Variants in PRDM16 observed in about 807,000 individuals in gnomAD.
The protein encoded by PRDM16 is histone-lysine N-methyltransferase PRDM16.
PRDM16 carries 23 observed loss-of-function variants against 110.6 expected under a neutral mutation model. The observed-to-expected ratio is 0.21, with a 90% CI of 0.15 to 0.29. PRDM16 has a LOEUF of 0.29. PRDM16 is among the 10% of genes least tolerant of loss of function. PRDM16 has a pLI of 1.00. For missense variants in PRDM16, 1,615 were observed against 1,794.3 expected, an observed-to-expected ratio of 0.90 and a Z score of 1.81; for synonymous variants, 799 against 781.8, an observed-to-expected ratio of 1.02 and a Z score of -0.37.
chr1:3,204,277 G>A (rs1034907858), intron 2 of PRDM16, among the ~76,000 whole-genome samples: 1 of 152,114 alleles, frequency 6.6e-6, no homozygotes, highest in Non-Finnish European at 1.5e-5. Flanking sequence ...ACGTCTGTGT[G>A]GGGGGAGGGC....
Position 3,397,452 on chromosome 1 carries a change from G to A in PRDM16, c.676+859G>A, listed in dbSNP as rs536596692. On this transcript the variant is annotated intron_variant, in intron 5 of 16. Coordinates refer to ENST00000270722, the MANE Select transcript of PRDM16 (RefSeq NM_022114.4). ...GATACAGGCTCATTCCTGCCTTCAC[G>A]TCATGAAGCCATGTGTCCGTTCCCC... Among the ~76,000 whole-genome samples, 6 of 152,348 alleles carry A rather than the reference G, an allele frequency of 3.9e-5. No homozygotes were observed. In the East Asian group the frequency reaches 5.8e-4, roughly 15 times the overall value.
chr1:3,114,444 C>G (rs565508944), intron 1 of PRDM16, among the ~76,000 whole-genome samples: 5 of 139,080 alleles, frequency 3.6e-5, no homozygotes, highest in African/African-American at 1.6e-4. Context: ...TAAACAGACG[C>G]ACACGCACAC....
intron 2 of PRDM16, among the ~76,000 whole-genome samples, chr1:3,234,629 C>T (rs1361169671): frequency 6.6e-6 from 1 of 152,228 alleles, no homozygotes; most frequent in East Asian, 1.9e-4. Flanking sequence ...TGGCCGGGCC[C>T]CACCGTGACT....
At chr1:3,251,308 G>GGTGAGGTGGA (rs1639925863) in intron 3 of PRDM16, among the ~76,000 whole-genome samples, 1 of 152,090 alleles carries the variant, frequency 6.6e-6, no homozygotes, top group Non-Finnish European at 1.5e-5. Flanking sequence ...GTGGTTCAGG[G>GGTGAGGTGGA]GTGAGGTGGG....
At chr1:3,289,902 C>G (rs1296048647) in intron 3 of PRDM16, among the ~76,000 whole-genome samples, 1 of 151,172 alleles carries the variant, frequency 6.6e-6, no homozygotes, top group African/African-American at 2.4e-5. Flanking sequence ...CCAGACCCCA[C>G]TCCCTCCAGG....
chr1:3,118,735 G>A (rs555171329), intron 1 of PRDM16, among the ~76,000 whole-genome samples: 16 of 147,786 alleles, frequency 1.1e-4, no homozygotes, highest in African/African-American at 3.4e-4. Flanking sequence ...TGGGGGCCAC[G>A]TGGATGGAGT....
rs554430996 is a variant in PRDM16 at position 3,213,853 on chromosome 1, C to A, written c.387+27379C>A. ...GTGCCTTCCCAGGAGGCCTTGCCAC[C>A]CCCCATTAATCCTGCAATTCCAGAT... On this transcript the variant is annotated intron_variant, in intron 2 of 16. Coordinates refer to ENST00000270722, the MANE Select transcript of PRDM16 (RefSeq NM_022114.4). The surrounding 1 kb of genome is among the most constrained non-coding windows in gnomAD (Gnocchi z 5.3). Among the ~76,000 whole-genome samples, 1 of 152,100 alleles carries A rather than the reference C, an allele frequency of 6.6e-6. No individual in the cohort carries two copies. The highest frequency in any genetic ancestry group is 1.5e-5 in the Non-Finnish European group (1 of 68,010).
intron 1 of PRDM16, among the ~76,000 whole-genome samples, chr1:3,140,897 T>C (rs747652942): frequency 5.3e-5 from 8 of 152,188 alleles, no homozygotes; most frequent in Non-Finnish European, 1.2e-4. Flanking sequence ...CTGGCGTGGG[T>C]GCCCCTGGAG....
chr1:3,286,121 TCTC>T (rs762404870), intron 3 of PRDM16, among the ~76,000 whole-genome samples: 3 of 152,040 alleles, frequency 2.0e-5, no homozygotes, highest in African/African-American at 7.3e-5. Flanking sequence ...CACGACAGCC[TCTC>T]CTCCTCCAGC....
Position 3,081,254 on chromosome 1 carries a change from G to T in PRDM16, c.37+11958G>T, listed in dbSNP as rs1029780708. 1.1e-4 allele frequency among the ~76,000 whole-genome samples: 16 copies of T among 152,352 alleles called. No individual in the cohort carries two copies. The highest frequency in any genetic ancestry group is 3.6e-4 in the African/African-American group (15 of 41,590). ...GGACTTGGGTTCGAGGCCCCTCGCGGCTGTACCCCGAGTCCCCCGTGCTGG... is the reference window on the plus strand; with the variant it reads ...GGACTTGGGTTCGAGGCCCCTCGCGTCTGTACCCCGAGTCCCCCGTGCTGG... On this transcript the variant is annotated intron_variant, in intron 1 of 16. Transcript: ENST00000270722. This position sits in a 1 kb window ranked among gnomAD's most constrained non-coding sequence, Gnocchi z 4.6.
intron 1 of PRDM16, among the ~76,000 whole-genome samples, chr1:3,077,978 A>C (rs933539840): frequency 2.6e-5 from 4 of 152,216 alleles, no homozygotes; most frequent in Non-Finnish European, 2.9e-5. Flanking sequence ...GGCCCCTGCC[A>C]CATGCAGTGG....
intron 1 of PRDM16, among the ~76,000 whole-genome samples, chr1:3,171,461 C>G (rs1644024869): frequency 6.6e-6 from 1 of 152,212 alleles, no homozygotes. Context: ...GATTGCAACC[C>G]CCTCCAAACC....
chr1:3,198,567 G>A (rs1569827849), intron 2 of PRDM16, among the ~76,000 whole-genome samples: 5 of 152,298 alleles, frequency 3.3e-5, no homozygotes, highest in Admixed American at 1.3e-4. Flanking sequence ...CAGCACCACC[G>A]TGCTTTCCAG....
chr1:3,349,245 TC>T lies in PRDM16; in HGVS notation c.439-35903del, dbSNP rs151248503. 2.9e-3 allele frequency among the ~76,000 whole-genome samples: 448 copies of T among 151,924 alleles called. 1 individual carries two copies. The highest frequency in any genetic ancestry group is 1.0e-2 in the African/African-American group (414 of 41,412). ...CCTGCTCTCTGGCTCCCAGTGAGGG[TC>T]CCCGCCCCACGGGAGATAAGATAGA... On this transcript the variant is annotated intron_variant, in intron 3 of 16. Coordinates refer to ENST00000270722, the MANE Select transcript of PRDM16 (RefSeq NM_022114.4).
In PRDM16 at chr1:3,161,851, C is replaced by T. The variant is rs140898052; in HGVS notation, c.38-24274C>T. ...CCTGTCTCCATGAGGATTTGGACCA[C>T]GTTCGGCAGAGCAGGTCTCCCAGGC... On this transcript the variant is annotated intron_variant, in intron 1 of 16. Coordinates refer to ENST00000270722, the MANE Select transcript of PRDM16 (RefSeq NM_022114.4). Among the ~76,000 whole-genome samples the T allele has an allele frequency of 4.5e-4, 68 of 152,350 alleles. 1 individual carries two copies. Among genetic ancestry groups the T allele is most frequent in the African/African-American group, 1.6e-3 (67 of 41,578 alleles).
chr1:3,272,920 G>A (rs559283954), intron 3 of PRDM16, among the ~76,000 whole-genome samples: 26 of 152,218 alleles, frequency 1.7e-4, no homozygotes, highest in African/African-American at 3.9e-4. Context: ...TCTGAGGGCC[G>A]GACCACTCTG....
In PRDM16 at chr1:3,355,514, C is replaced by A. The variant is rs577370721; in HGVS notation, c.439-29638C>A. On this transcript the variant is annotated intron_variant, in intron 3 of 16. Coordinates refer to ENST00000270722, the MANE Select transcript of PRDM16 (RefSeq NM_022114.4). ...TAGGTCTCAGGGGCTCTGCTGGTTG[C>A]AGCTCTTGTTTGAAGGAGGGAGTTT... Among the ~76,000 whole-genome samples, 427 of 152,312 alleles carry A rather than the reference C, an allele frequency of 2.8e-3. 1 individual carries two copies. Among genetic ancestry groups the A allele is most frequent in the African/African-American group, 9.5e-3 (393 of 41,558 alleles).
At chr1:3,200,385 C>T (rs1423422346) in intron 2 of PRDM16, among the ~76,000 whole-genome samples, 1 of 152,172 alleles carries the variant, frequency 6.6e-6, no homozygotes, top group East Asian at 1.9e-4. Flanking sequence ...CTCTGCTGCC[C>T]AGGCTGGAGT....
chr1:3,387,623 G>A (rs926821904), intron 4 of PRDM16, among the ~76,000 whole-genome samples: 2 of 152,316 alleles, frequency 1.3e-5, no homozygotes, highest in East Asian at 1.9e-4. Context: ...GTGCACCTCC[G>A]AGCTGGATAA....
Sources: allele counts gnomAD v4.1 joint callset (sites outside exome capture counted in the v4.1 genomes callset), GRCh38; gene constraint gnomAD v4.1.1; non-coding constraint Gnocchi (gnomAD v3.1); transcripts MANE v1.5; gene names NCBI Gene and HGNC (gene_info 2026-07-23, HGNC 2026-07-21).